Variants in PVT1 observed in about 807,000 individuals in gnomAD.
The protein encoded by PVT1 is Pvt1 oncogene, also known as CXCR4/PVT1 fusion.
intron 4 of PVT1, among the ~76,000 whole-genome samples, chr8:128,031,573 G>A (rs1281138360): frequency 6.6e-6 from 1 of 152,326 alleles, no homozygotes; most frequent in South Asian, 2.1e-4. Context: ...TAGAGTTTTT[G>A]TGAGGATTAG....
chr8:128,092,905 G>C (rs1209775808), intron 5 of PVT1, among the ~76,000 whole-genome samples: 2 of 152,088 alleles, frequency 1.3e-5, no homozygotes, highest in African/African-American at 2.4e-5. Context: ...CGCTCTCTGG[G>C]GCTTTATTCT....
chr8:127,801,828 TG>T (rs1384752947), intron 2 of PVT1, among the ~76,000 whole-genome samples: 1 of 152,168 alleles, frequency 6.6e-6, no homozygotes, highest in Non-Finnish European at 1.5e-5. Flanking sequence ...GAAATTGATA[TG>T]TACTGTGTGT....
At position 128,089,364 on chromosome 8, in the gene PVT1, C is replaced by T. The variant is rs186995362; in HGVS notation, n.1115-7154C>T. Among the ~76,000 whole-genome samples the T allele has an allele frequency of 2.7e-3, 404 of 152,148 alleles. 2 individuals are homozygous for T. The highest frequency in any genetic ancestry group is 8.8e-3 in the African/African-American group (367 of 41,508). ...AAGGGGCAGGAGAGCTCTCTGAGGT[C>T]GCTTATATAATGGTACTAATCTCAG... On this transcript the variant is annotated intron_variant and non_coding_transcript_variant, in intron 5 of 10. Coordinates refer to ENST00000651587, the Ensembl canonical transcript of PVT1.
At chr8:128,072,723 A>G (rs1435620883) in intron 5 of PVT1, among the ~76,000 whole-genome samples, 1 of 152,226 alleles carries the variant, frequency 6.6e-6, no homozygotes, top group Admixed American at 6.5e-5. Context: ...GGTTAACCAC[A>G]GTGCCTAGCG....
At chr8:128,095,839 T>C (rs1245891913) in intron 5 of PVT1, among the ~76,000 whole-genome samples, 1 of 152,244 alleles carries the variant, frequency 6.6e-6, no homozygotes, top group Non-Finnish European at 1.5e-5. Flanking sequence ...CGATGCCCTT[T>C]CTAAGATACT....
intron 2 of PVT1, among the ~76,000 whole-genome samples, chr8:127,846,587 A>T (rs74838369): frequency 0.044 from 6,645 of 152,210 alleles, 520 homozygotes; most frequent in African/African-American, 0.15. Flanking sequence ...ACCCACGGAG[A>T]CTAGCTCATG....
rs555662736 is a variant in PVT1 at position 128,042,580 on chromosome 8, A to T, written n.913-27580A>T. Among the ~76,000 whole-genome samples, 14 of 152,170 alleles carry T rather than the reference A, an allele frequency of 9.2e-5. No individual in the cohort carries two copies. The South Asian group carries it at 2.1e-3, about 23-fold the overall frequency. On this transcript the variant is annotated intron_variant and non_coding_transcript_variant, in intron 4 of 10. Coordinates refer to ENST00000651587, the Ensembl canonical transcript of PVT1. ...AGACTGTAATTGGTCCTGAAGAAGA[A>T]GGAGTGGAGCCTGGCAGGAGGAAGG...
At chr8:127,860,351 G>A (rs1815208979) in intron 2 of PVT1, among the ~76,000 whole-genome samples, 1 of 152,206 alleles carries the variant, frequency 6.6e-6, no homozygotes, top group Admixed American at 6.5e-5. Flanking sequence ...GGCAAGCACA[G>A]GGCTGAGCAC....
rs1395013964 is a variant in PVT1, at chr8:127,840,243, A to G, written n.372+44172A>G. On this transcript the variant is annotated intron_variant and non_coding_transcript_variant, in intron 2 of 10. Transcript: ENST00000651587. ...TGCCATCAGGAGAACGTCTTTCTCT[A>G]TGCTAGGTGTGAACAGTCACCCCTT... is the stretch of plus-strand genomic sequence containing the variant. Among the ~76,000 whole-genome samples the G allele has an allele frequency of 3.3e-5, 5 of 152,320 alleles. No individual in the cohort carries two copies. In the East Asian group the frequency reaches 5.8e-4, roughly 18 times the overall value.
intron 2 of PVT1, among the ~76,000 whole-genome samples, chr8:127,821,082 A>C (rs1397406188): frequency 6.6e-6 from 1 of 152,202 alleles, no homozygotes; most frequent in Non-Finnish European, 1.5e-5. Context: ...GTCTTGTGTA[A>C]CATGAAAAAA....
intron 5 of PVT1, among the ~76,000 whole-genome samples, chr8:128,078,862 T>G (rs1373590467): frequency 1.3e-5 from 2 of 152,188 alleles, no homozygotes; most frequent in Admixed American, 1.3e-4. Context: ...CATGGCTCAC[T>G]GCAGCCTCGA....
At chr8:127,932,495 G>T (rs1816219077) in intron 3 of PVT1, 1 of 398,544 alleles carries the variant, frequency 2.5e-6, no homozygotes, top group Middle Eastern at 6.3e-4. Flanking sequence ...ACGGAAATCA[G>T]CCCCGTTTAT....
intron 6 of PVT1, among the ~76,000 whole-genome samples, chr8:128,098,068 CCTCGGGGCCT>C (rs2130178003): frequency 6.6e-6 from 1 of 152,274 alleles, no homozygotes; most frequent in Admixed American, 6.5e-5. Flanking sequence ...CCTCTCTGGA[CCTCGGGGCCT>C]CCCTTCCTAG....
intron 3 of PVT1, among the ~76,000 whole-genome samples, chr8:127,959,583 CA>C (rs1213814061): frequency 3.2e-4 from 30 of 94,808 alleles, no homozygotes; most frequent in Non-Finnish European, 5.2e-4. Context: ...GACTCTGTCT[CA>C]GGAAAAAAAA....
intron 3 of PVT1, among the ~76,000 whole-genome samples, chr8:127,918,273 T>C (rs1395548304): frequency 6.6e-6 from 1 of 152,148 alleles, no homozygotes; most frequent in Admixed American, 6.5e-5. Flanking sequence ...GGGATGTTCC[T>C]GGGGGTGTGG....
intron 3 of PVT1, among the ~76,000 whole-genome samples, chr8:127,970,978 A>C (rs142372933): frequency 9.3e-4 from 142 of 152,346 alleles, no homozygotes; most frequent in Non-Finnish European, 1.7e-3. Context: ...GTATTGGCAC[A>C]TAGCCATGTC....
chr8:128,012,663 A>C (rs931856030), intron 4 of PVT1, among the ~76,000 whole-genome samples: 2 of 152,188 alleles, frequency 1.3e-5, no homozygotes, highest in African/African-American at 2.4e-5. Context: ...GTAGTCAAAC[A>C]GTCAACTCAT....
At chr8:128,068,457 T>A (rs1813938708) in intron 4 of PVT1, among the ~76,000 whole-genome samples, 1 of 152,078 alleles carries the variant, frequency 6.6e-6, no homozygotes. Context: ...GTAATGTACC[T>A]CCCCCATCAG....
intron 4 of PVT1, among the ~76,000 whole-genome samples, chr8:128,066,992 C>T (rs1813918982): frequency 6.6e-6 from 1 of 152,128 alleles, no homozygotes; most frequent in Admixed American, 6.5e-5. Context: ...CCTTTCACCC[C>T]ACCCCCTGCA....
Sources: allele counts gnomAD v4.1 joint callset (sites outside exome capture counted in the v4.1 genomes callset), GRCh38; gene constraint gnomAD v4.1.1; transcripts MANE v1.5; gene names NCBI Gene and HGNC (gene_info 2026-07-23, HGNC 2026-07-21).